Variants in LANCL3 observed in about 807,000 individuals in gnomAD.
LANCL3 encodes the protein lanC-like protein 3.
In LANCL3, 19 loss-of-function variants were observed where a neutral mutation model predicts 26.5. The ratio of observed to expected loss-of-function variants is 0.72; its 90% confidence interval spans 0.50 to 1.05. LANCL3 has a LOEUF of 1.05. Among genes scored for constraint, LANCL3 ranks in the 50% least tolerant of loss-of-function variants. The probability of loss-of-function intolerance (pLI) is 0.00; values close to 1 mark genes in which losing one functional copy is unlikely to be tolerated. For synonymous variants in LANCL3, 160 were observed against 166.6 expected (o/e 0.96, Z 0.30); for missense variants, 318 against 362.7 (o/e 0.88, Z 1.00).
chrX:37,598,713 A>G (rs1209107967), intron 1 of LANCL3, among the ~76,000 whole-genome samples: 1 of 112,690 alleles, frequency 8.9e-6, no homozygotes, highest in African/African-American at 3.2e-5. Flanking sequence ...ACTTTCTTAC[A>G]GTCGGACTTC....
chrX:37,651,345 A>G (rs1017951406), intron 1 of LANCL3, among the ~76,000 whole-genome samples: 2 of 112,136 alleles, frequency 1.8e-5, no homozygotes, highest in African/African-American at 3.2e-5. Context: ...TTAAAAAATT[A>G]ATTATTTTAT....
chrX:37,604,911 C>T (rs1556420384), intron 1 of LANCL3, among the ~76,000 whole-genome samples: 1 of 112,515 alleles, frequency 8.9e-6, no homozygotes, highest in Non-Finnish European at 1.9e-5. Flanking sequence ...TTGTGGCAGG[C>T]TTTGCAATTT....
At chrX:37,614,813 T>C (rs1556421554) in intron 1 of LANCL3, among the ~76,000 whole-genome samples, 5 of 112,209 alleles carry the variant, frequency 4.5e-5, no homozygotes, top group Admixed American at 1.9e-4. Flanking sequence ...GGGTCCATTT[T>C]ATAATAATCT....
chrX:37,583,141 AT>A (rs1166556900), intron 1 of LANCL3, among the ~76,000 whole-genome samples: 2 of 111,190 alleles, frequency 1.8e-5, no homozygotes, highest in African/African-American at 6.6e-5. Flanking sequence ...GTCTGGTATT[AT>A]TTCTGAGGGC....
intron 1 of LANCL3, among the ~76,000 whole-genome samples, chrX:37,624,796 A>C (rs190621570): frequency 9.0e-6 from 1 of 111,627 alleles, no homozygotes; most frequent in East Asian, 2.8e-4. Flanking sequence ...AGGTCATACC[A>C]CCGTTTACTG....
chrX:37,628,258 A>G (rs1343892120), intron 1 of LANCL3, among the ~76,000 whole-genome samples: 1 of 111,179 alleles, frequency 9.0e-6, no homozygotes, highest in Non-Finnish European at 1.9e-5. Flanking sequence ...CCTGCCCCAA[A>G]TGCGTAAGGT....
chrX:37,583,145 C>A (rs1556417305), intron 1 of LANCL3, among the ~76,000 whole-genome samples: 2 of 111,575 alleles, frequency 1.8e-5, no homozygotes, highest in Admixed American at 1.9e-4. Flanking sequence ...GGTATTATTT[C>A]TGAGGGCTCT....
chrX:37,621,330 G>GCTTA (rs1482747448), intron 1 of LANCL3, among the ~76,000 whole-genome samples: 2 of 111,938 alleles, frequency 1.8e-5, no homozygotes, highest in African/African-American at 6.5e-5. Context: ...AGATACCATT[G>GCTTA]CTTAATAAGA....
In LANCL3 at chrX:37,655,689, T is replaced by C; in HGVS notation, c.575T>C (p.Val192Ala). ...LVLKQKLAQE[V>A]LTPAQIKSIC... Reference sequence around the variant, plus strand: ...CTACTTCTGGATTTCCTTATTCAGGTGCTGACTCCAGCACAGATCAAGTCA... The same window carrying C: ...CTACTTCTGGATTTCCTTATTCAGGCGCTGACTCCAGCACAGATCAAGTCA... Residue 192 changes from valine (V) to alanine (A), a missense_variant and splice_region_variant, in exon 2 of 5, where the codon GTG becomes GCG. By Grantham distance (64) the Val-to-Ala change is moderately conservative. Coordinates refer to ENST00000378619, the MANE Select transcript of LANCL3 (RefSeq NM_001170331.2). 1.7e-6 allele frequency: 2 copies of C among 1,196,526 alleles called. No homozygotes were observed. The highest frequency in any genetic ancestry group is 2.2e-6 in the Non-Finnish European group (2 of 889,205).
chrX:37,634,415 C>T (rs1925643165), intron 1 of LANCL3, among the ~76,000 whole-genome samples: 2 of 113,139 alleles, frequency 1.8e-5, no homozygotes, highest in Non-Finnish European at 3.7e-5. Flanking sequence ...ATGCCTCGCC[C>T]TGCTTCGGCT....
intron 1 of LANCL3, among the ~76,000 whole-genome samples, chrX:37,589,990 C>A (rs1294444866): frequency 2.7e-5 from 3 of 112,602 alleles, no homozygotes; most frequent in Non-Finnish European, 5.6e-5. Context: ...GCACTTCCTC[C>A]AGGGAAAGGA....
At chrX:37,602,293 C>G (rs1483455768) in intron 1 of LANCL3, among the ~76,000 whole-genome samples, 1 of 111,881 alleles carries the variant, frequency 8.9e-6, no homozygotes. Context: ...ATGGCAGCTC[C>G]CCTTATTCTG....
chrX:37,632,428 T>G lies in LANCL3; in HGVS notation c.574-23260T>G, dbSNP rs1367091072. On this transcript the variant is annotated intron_variant, in intron 1 of 4. Coordinates refer to ENST00000378619, the MANE Select transcript of LANCL3 (RefSeq NM_001170331.2). ...ATCCAATTTGCCAGTCTGTGTCTTT[T>G]AATTGGAGCATTTAGTCCATTTACA... 9.0e-4 allele frequency among the ~76,000 whole-genome samples: 100 copies of G among 111,658 alleles called. 1 individual carries two copies. Among genetic ancestry groups the G allele is most frequent in the African/African-American group, 3.0e-3 (92 of 30,528 alleles).
intron 1 of LANCL3, among the ~76,000 whole-genome samples, chrX:37,587,818 G>A (rs1437611657): frequency 3.6e-5 from 4 of 111,966 alleles, no homozygotes; most frequent in African/African-American, 9.7e-5. Flanking sequence ...CCCACTTTCT[G>A]ACAAGCCCCA....
At chrX:37,633,532 G>A (rs1471302068) in intron 1 of LANCL3, among the ~76,000 whole-genome samples, 11 of 110,961 alleles carry the variant, frequency 9.9e-5, no homozygotes, top group African/African-American at 2.0e-4. Flanking sequence ...CAGTTTTTCC[G>A]CTCTGTTTTT....
At chrX:37,620,072 C>T (rs1167858685) in intron 1 of LANCL3, among the ~76,000 whole-genome samples, 2 of 111,974 alleles carry the variant, frequency 1.8e-5, no homozygotes, top group Non-Finnish European at 3.8e-5. Context: ...CCCCATCTTC[C>T]TTCAAGACTT....
intron 1 of LANCL3, among the ~76,000 whole-genome samples, chrX:37,578,921 G>A (rs1238941258): frequency 2.9e-5 from 3 of 105,064 alleles, no homozygotes; most frequent in Admixed American, 1.0e-4. Context: ...CGGAGGTTGC[G>A]GTGAGCCGAG....
At chrX:37,654,449 G>T (rs782614428) in intron 1 of LANCL3, among the ~76,000 whole-genome samples, 3 of 112,232 alleles carry the variant, frequency 2.7e-5, no homozygotes, top group African/African-American at 9.7e-5. Flanking sequence ...ACTAAACTTA[G>T]ATGTTTTTTA....
intron 1 of LANCL3, among the ~76,000 whole-genome samples, chrX:37,577,109 C>T (rs1488900744): frequency 8.9e-6 from 1 of 111,924 alleles, no homozygotes; most frequent in African/African-American, 3.2e-5. Context: ...TTAAAAAGAT[C>T]GCCCTGGTTT....
Sources: allele counts gnomAD v4.1 joint callset (sites outside exome capture counted in the v4.1 genomes callset), GRCh38; gene constraint gnomAD v4.1.1; transcripts MANE v1.5; gene names NCBI Gene and HGNC (gene_info 2026-07-23, HGNC 2026-07-21).